KHDRBS2: variants seen among roughly 807,000 people sequenced by gnomAD.
The protein encoded by KHDRBS2 is KH RNA binding domain containing, signal transduction associated 2.
KHDRBS2 carries 26 observed loss-of-function variants against 44.3 expected under a neutral mutation model. The ratio of observed to expected loss-of-function variants is 0.59; its 90% CI spans 0.43 to 0.81. The LOEUF (loss-of-function observed/expected upper bound fraction) is 0.81. Among genes scored for constraint, KHDRBS2 ranks in the 40% least tolerant of loss-of-function variants. The pLI is 0.00. For missense variants in KHDRBS2, 476 were observed against 433.1 expected, an observed-to-expected ratio of 1.10 and a Z score of -0.88; for synonymous variants, 194 against 151.1, an observed-to-expected ratio of 1.28 and a Z score of -2.08.
the KHDRBS2 span, among the ~76,000 whole-genome samples, chr6:61,603,778 A>G: frequency 6.6e-6 from 1 of 151,996 alleles, no homozygotes. Context: ...CACAATTACC[A>G]TTGTTCCTGG....
intron 2 of KHDRBS2, among the ~76,000 whole-genome samples, chr6:62,107,105 G>A (rs2127379398): frequency 6.6e-6 from 1 of 151,600 alleles, no homozygotes; most frequent in East Asian, 1.9e-4. Flanking sequence ...CAATTAGGCA[G>A]GAGAAGGAAA....
chr6:62,061,988 C>A (rs1471379960), intron 2 of KHDRBS2, among the ~76,000 whole-genome samples: 2 of 151,846 alleles, frequency 1.3e-5, no homozygotes, highest in Non-Finnish European at 2.9e-5. Flanking sequence ...CTCCTGCATT[C>A]TTCACGTAGT....
At chr6:62,019,392 T>C (rs1298387040) in intron 3 of KHDRBS2, among the ~76,000 whole-genome samples, 1 of 152,124 alleles carries the variant, frequency 6.6e-6, no homozygotes, top group Non-Finnish European at 1.5e-5. Context: ...ATAGTTTTTA[T>C]TTTTATTTTT....
the KHDRBS2 span, among the ~76,000 whole-genome samples, chr6:61,647,517 T>C: frequency 0.59 from 89,860 of 151,994 alleles, 26,784 homozygotes; most frequent in African/African-American, 0.61. Context: ...ATGAATCGTC[T>C]TCAGTTATTA....
intron 6 of KHDRBS2, among the ~76,000 whole-genome samples, chr6:61,755,136 G>A (rs760636540): frequency 1.8e-4 from 27 of 151,992 alleles, no homozygotes; most frequent in Non-Finnish European, 2.9e-4. Flanking sequence ...CCTCCATGCA[G>A]GATATTATTT....
At chr6:62,032,835 T>C (rs998533416) in intron 3 of KHDRBS2, among the ~76,000 whole-genome samples, 1 of 151,782 alleles carries the variant, frequency 6.6e-6, no homozygotes, top group Non-Finnish European at 1.5e-5. Flanking sequence ...ATTAACACCA[T>C]CTAGGAAATG....
chr6:61,691,502 C>T (rs1431222386), intron 8 of KHDRBS2, among the ~76,000 whole-genome samples: 3 of 152,032 alleles, frequency 2.0e-5, no homozygotes, highest in African/African-American at 7.2e-5. Flanking sequence ...AAAAGTAAAG[C>T]ACAGTCCTAT....
chr6:62,006,308 A>G (rs1263340671), intron 3 of KHDRBS2, among the ~76,000 whole-genome samples: 1 of 152,064 alleles, frequency 6.6e-6, no homozygotes, highest in East Asian at 1.9e-4. Context: ...AACACTGCCA[A>G]TCTAAAGTTA....
At chr6:62,146,046 C>A (rs1317797778) in intron 2 of KHDRBS2, among the ~76,000 whole-genome samples, 1 of 151,678 alleles carries the variant, frequency 6.6e-6, no homozygotes, top group Non-Finnish European at 1.5e-5. Context: ...GAAGATTTGG[C>A]AATTATGTTA....
the KHDRBS2 span, among the ~76,000 whole-genome samples, chr6:61,646,345 G>GA: frequency 6.6e-6 from 1 of 152,130 alleles, no homozygotes; most frequent in South Asian, 2.1e-4. Flanking sequence ...TTTGTGTCCA[G>GA]ATCCCTTGGC....
intron 6 of KHDRBS2, among the ~76,000 whole-genome samples, chr6:61,817,283 TTG>T (rs1476533130): frequency 2.0e-5 from 3 of 152,110 alleles, no homozygotes; most frequent in East Asian, 3.9e-4. Context: ...TATGATTTTC[TTG>T]TGTCCACGTA....
intron 2 of KHDRBS2, among the ~76,000 whole-genome samples, chr6:62,108,129 A>C (rs1357990882): frequency 6.6e-6 from 1 of 152,166 alleles, no homozygotes; most frequent in East Asian, 1.9e-4. Context: ...CTGCACAGCA[A>C]AAGAAACTAC....
chr6:61,544,707 T>G, the KHDRBS2 span, among the ~76,000 whole-genome samples: 8 of 151,922 alleles, frequency 5.3e-5, no homozygotes, highest in Non-Finnish European at 1.0e-4. Flanking sequence ...TAGACTGGAT[T>G]AAGAAAATGT....
At chr6:62,269,839 T>C (rs1175659783) in intron 1 of KHDRBS2, among the ~76,000 whole-genome samples, 3 of 152,104 alleles carry the variant, frequency 2.0e-5, no homozygotes, top group African/African-American at 7.2e-5. Context: ...TGTACAGTCA[T>C]GATACTGAAT....
intron 3 of KHDRBS2, among the ~76,000 whole-genome samples, chr6:61,978,665 A>G (rs2127403548): frequency 6.6e-6 from 1 of 152,202 alleles, no homozygotes; most frequent in African/African-American, 2.4e-5. Flanking sequence ...AGGTTACTTG[A>G]TTGTGATAAA....
At chr6:61,632,366 C>G in the KHDRBS2 span, among the ~76,000 whole-genome samples, 1 of 151,976 alleles carries the variant, frequency 6.6e-6, no homozygotes, top group Non-Finnish European at 1.5e-5. Context: ...CTTAAGGAGA[C>G]TTTATACTTC....
intron 2 of KHDRBS2, among the ~76,000 whole-genome samples, chr6:62,173,640 TTGA>T (rs1177805013): frequency 2.6e-5 from 4 of 151,918 alleles, no homozygotes; most frequent in African/African-American, 9.7e-5. Context: ...GCCTATATCC[TTGA>T]TGAACGTAGA....
intron 6 of KHDRBS2, among the ~76,000 whole-genome samples, chr6:61,853,433 T>C (rs1583175904): frequency 6.6e-6 from 1 of 152,208 alleles, no homozygotes; most frequent in East Asian, 1.9e-4. Context: ...ATTACAGTTA[T>C]GTGATCAAAA....
chr6:61,662,213 G>A, the KHDRBS2 span, among the ~76,000 whole-genome samples: 1 of 152,046 alleles, frequency 6.6e-6, no homozygotes, highest in Non-Finnish European at 1.5e-5. Context: ...AGCTGAAACT[G>A]GACCCCTTCC....
Sources: allele counts gnomAD v4.1 joint callset (sites outside exome capture counted in the v4.1 genomes callset), GRCh38; gene constraint gnomAD v4.1.1; transcripts MANE v1.5; gene names NCBI Gene and HGNC (gene_info 2026-07-23, HGNC 2026-07-21).